The following GALNTL6 variants were observed in gnomAD, a reference collection of about 807,000 sequenced individuals.
GALNTL6 encodes polypeptide N-acetylgalactosaminyltransferase like 6, also known as polypeptide N-acetylgalactosaminyltransferase-like 6.
In GALNTL6, 46 loss-of-function variants were observed where a neutral mutation model predicts 73.7. That is an observed-to-expected ratio of 0.62 (90% CI 0.49 to 0.80). The LOEUF is 0.80. GALNTL6 is among the 30% of genes least tolerant of loss of function. The pLI is 0.00. For synonymous variants in GALNTL6, 259 were observed against 263.7 expected (o/e 0.98, Z 0.17); for missense variants, 604 against 755.0 (o/e 0.80, Z 2.34).
At position 172,912,535 on chromosome 4, in the gene GALNTL6, T is replaced by C. The variant is rs184345822; in HGVS notation, c.1042-18626T>C. Among the ~76,000 whole-genome samples, 825 of 152,308 alleles carry C rather than the reference T, an allele frequency of 5.4e-3. 4 individuals carry two copies. Among genetic ancestry groups the C allele is most frequent in the Non-Finnish European group, 8.0e-3 (541 of 68,018 alleles). On this transcript the variant is annotated intron_variant, in intron 8 of 12. Transcript: ENST00000506823. ...CCACCCTAATACTGCGCTTTTCCAA[T>C]TGTCATAGCAAATGGCACACCAGGA...
At position 172,974,659 on chromosome 4, in the gene GALNTL6, C is replaced by T. The variant is rs143581502; in HGVS notation, c.1371+22401C>T. Among the ~76,000 whole-genome samples, 142 of 152,338 alleles carry T rather than the reference C, an allele frequency of 9.3e-4. No individual in the cohort carries two copies. The South Asian group carries it at 0.011, about 12-fold the overall frequency. On this transcript the variant is annotated intron_variant, in intron 10 of 12. Transcript: ENST00000506823. Reference sequence around the variant, plus strand: ...TCGGGCCCCCTGGGCTCATTCCACCCACTCAGCCTGGCAGTCTGCACTCGG... The same window carrying T: ...TCGGGCCCCCTGGGCTCATTCCACCTACTCAGCCTGGCAGTCTGCACTCGG...
Position 172,482,014 on chromosome 4 carries a change from C to G in GALNTL6, c.553+133325C>G, listed in dbSNP as rs189463830. Among the ~76,000 whole-genome samples the G allele has an allele frequency of 7.3e-3, 1,106 of 152,312 alleles. 16 individuals carry two copies. The highest frequency in any genetic ancestry group is 0.025 in the African/African-American group (1,039 of 41,584). On this transcript the variant is annotated intron_variant, in intron 5 of 12. Transcript: ENST00000506823. The stretch of plus-strand genomic sequence containing the variant: ...AGACATGGTGGGCTGCAAGCCCCAC[C>G]CCACCGGGAGGCAGCTGAGGCCAGG...
At chr4:172,257,120 TTAAAGA>T (rs1352364303) in intron 3 of GALNTL6, among the ~76,000 whole-genome samples, 3 of 151,452 alleles carry the variant, frequency 2.0e-5, no homozygotes, top group East Asian at 1.9e-4. Flanking sequence ...TTTTTCAAAA[TTAAAGA>T]TAAAGTCTGG....
chr4:172,993,588 A>G (rs953576340), intron 10 of GALNTL6, among the ~76,000 whole-genome samples: 1 of 152,202 alleles, frequency 6.6e-6, no homozygotes, highest in Admixed American at 6.5e-5. Flanking sequence ...TTCACTTGAT[A>G]TGGCCTGGAC....
At chr4:171,821,988 G>A (rs1373913936) in intron 2 of GALNTL6, among the ~76,000 whole-genome samples, 4 of 151,894 alleles carry the variant, frequency 2.6e-5, no homozygotes, top group Non-Finnish European at 5.9e-5. Flanking sequence ...TCCAAAAGTT[G>A]AAGCTTTTAA....
At chr4:172,934,400 T>G (rs925384356) in intron 9 of GALNTL6, among the ~76,000 whole-genome samples, 1 of 152,128 alleles carries the variant, frequency 6.6e-6, no homozygotes, top group Non-Finnish European at 1.5e-5. Context: ...CATCTTTTTA[T>G]GCAGAAACTA....
At position 172,630,455 on chromosome 4, in the gene GALNTL6, A is replaced by G. The variant is rs837191; in HGVS notation, c.554-178906A>G. Among the ~76,000 whole-genome samples, 75 of 152,228 alleles carry G rather than the reference A, an allele frequency of 4.9e-4. 1 individual carries two copies. The highest frequency in any genetic ancestry group is 1.7e-3 in the African/African-American group (71 of 41,544). On this transcript the variant is annotated intron_variant, in intron 5 of 12. Coordinates refer to ENST00000506823, the MANE Select transcript of GALNTL6 (RefSeq NM_001034845.3). ...TTATCTCCATCAGTCGCTCCAGGGC[A>G]GTATCGGCAAGCTGATAATGCACCT...
intron 11 of GALNTL6, among the ~76,000 whole-genome samples, chr4:173,009,605 C>G (rs1752455746): frequency 6.6e-6 from 1 of 152,174 alleles, no homozygotes; most frequent in Non-Finnish European, 1.5e-5. Context: ...GGTAGTTTAA[C>G]AGAGGAAGCC....
chr4:172,384,012 G>T (rs1284119177), intron 5 of GALNTL6, among the ~76,000 whole-genome samples: 1 of 152,028 alleles, frequency 6.6e-6, no homozygotes, highest in African/African-American at 2.4e-5. Flanking sequence ...TGGTTTGTTA[G>T]TATTTTGTTG....
intron 2 of GALNTL6, among the ~76,000 whole-genome samples, chr4:172,197,829 G>A (rs1413691638): frequency 6.6e-6 from 1 of 151,964 alleles, no homozygotes; most frequent in Non-Finnish European, 1.5e-5. Context: ...CCAAAACTAG[G>A]CCGGACGCGG....
At chr4:172,359,312 T>C (rs946486468) in intron 5 of GALNTL6, among the ~76,000 whole-genome samples, 3 of 152,112 alleles carry the variant, frequency 2.0e-5, no homozygotes, top group South Asian at 2.1e-4. Context: ...TTCACACTTA[T>C]AAGTGGGAAC....
intron 2 of GALNTL6, among the ~76,000 whole-genome samples, chr4:172,023,847 T>C (rs1214081966): frequency 1.3e-5 from 2 of 151,914 alleles, no homozygotes; most frequent in Non-Finnish European, 1.5e-5. Flanking sequence ...CAAATACATT[T>C]ATGGCAGTGT....
At chr4:172,764,887 A>G (rs907705225) in intron 5 of GALNTL6, among the ~76,000 whole-genome samples, 5 of 152,234 alleles carry the variant, frequency 3.3e-5, no homozygotes, top group Admixed American at 6.5e-5. Context: ...TTATCTTAAA[A>G]TAAGTTTACT....
rs182170104 is a variant in GALNTL6, at chr4:172,429,652, A to G, written c.553+80963A>G. ...CTTGAACATATTCTCTTGATCAGGT[A>G]TACTTGACACAGAATTTCATAATGT... On this transcript the variant is annotated intron_variant, in intron 5 of 12. Transcript: ENST00000506823. Among the ~76,000 whole-genome samples the G allele has an allele frequency of 1.7e-3, 253 of 152,308 alleles. 4 individuals carry two copies. Among genetic ancestry groups the G allele is most frequent in the Admixed American group, 0.014 (212 of 15,296 alleles).
chr4:172,550,644 C>T (rs1409764422), intron 5 of GALNTL6, among the ~76,000 whole-genome samples: 2 of 152,068 alleles, frequency 1.3e-5, no homozygotes, highest in East Asian at 3.9e-4. Context: ...ATCACTCAGG[C>T]TGGAATGCAG....
At chr4:172,389,639 A>G (rs1163285492) in intron 5 of GALNTL6, among the ~76,000 whole-genome samples, 1 of 152,134 alleles carries the variant, frequency 6.6e-6, no homozygotes, top group East Asian at 1.9e-4. Context: ...GGAGGTAAAT[A>G]AAATCATAGA....
intron 2 of GALNTL6, among the ~76,000 whole-genome samples, chr4:172,208,826 T>C (rs1736230643): frequency 6.6e-6 from 1 of 152,120 alleles, no homozygotes; most frequent in Admixed American, 6.5e-5. Context: ...TGATGAAGTC[T>C]CCTTTAATCA....
intron 3 of GALNTL6, among the ~76,000 whole-genome samples, chr4:172,307,876 T>C (rs990201269): frequency 6.6e-6 from 1 of 152,096 alleles, no homozygotes; most frequent in African/African-American, 2.4e-5. Flanking sequence ...AGGATTGCTT[T>C]TTCTAGTTCT....
At chr4:172,779,109 T>C (rs1739237088) in intron 5 of GALNTL6, among the ~76,000 whole-genome samples, 1 of 152,176 alleles carries the variant, frequency 6.6e-6, no homozygotes, top group African/African-American at 2.4e-5. Context: ...CACTGCTGTA[T>C]ATACCCAGAG....
Sources: gnomAD v4.1 joint callset for allele counts (sites outside exome capture counted in the v4.1 genomes callset) on GRCh38, gnomAD v4.1.1 for gene constraint, MANE v1.5 for transcripts, NCBI Gene and HGNC (gene_info 2026-07-23, HGNC 2026-07-21) for gene names.